NPFFR1: variants seen among roughly 807,000 people sequenced by gnomAD.
NPFFR1 encodes the protein neuropeptide FF receptor 1, also known as G-protein coupled receptor 147.
NPFFR1 carries 17 observed loss-of-function variants against 12.7 expected under a neutral mutation model. That is an observed-to-expected ratio of 1.34 (90% confidence interval 0.92 to 2.01). The LOEUF is 2.01. Ranked by LOEUF, NPFFR1 falls within the 30% of genes most tolerant of loss-of-function variation. NPFFR1 has a pLI of 0.00. For synonymous variants in NPFFR1, 296 were observed against 264.5 expected, an observed-to-expected ratio of 1.12 and a Z score of -1.16; for missense variants, 604 against 606.5, an observed-to-expected ratio of 1.00 and a Z score of 0.04.
rs376887400 is a variant in NPFFR1 at position 70,254,904 on chromosome 10, A to G, written c.*53T>C. ...CACCAGGCCGCTATCGCCTGCATGT[A>G]TCTCGTGTCCAATCGGGGCCCTGAG... On this transcript the variant is annotated 3_prime_UTR_variant, in exon 4 of 4. Transcript: ENST00000277942. 7.5e-4 allele frequency: 1,040 copies of G among 1,377,932 alleles called. 22 individuals carry two copies. In the South Asian group the frequency reaches 0.016, roughly 21 times the overall value. 85.4% of individuals were successfully genotyped at this position (1,377,932 alleles called of 1,614,324 possible). A position where few individuals can be genotyped will look rare whatever the true frequency, so the allele number is the denominator to read the frequency against.
chr10:70,270,311 A>G (rs1474044293), intron 1 of NPFFR1, among the ~76,000 whole-genome samples: 3 of 152,178 alleles, frequency 2.0e-5, no homozygotes, highest in Non-Finnish European at 2.9e-5. Flanking sequence ...AGGCCCCTCC[A>G]GAAAGAACCC....
At chr10:70,274,174 G>GAAA (rs1840777403) in intron 1 of NPFFR1, among the ~76,000 whole-genome samples, 1 of 152,284 alleles carries the variant, frequency 6.6e-6, no homozygotes, top group Non-Finnish European at 1.5e-5. Flanking sequence ...TGGGGGCTGG[G>GAAA]CACAGTGGCT....
chr10:70,271,292 C>G (rs538561191), intron 1 of NPFFR1, among the ~76,000 whole-genome samples: 19 of 152,244 alleles, frequency 1.2e-4, no homozygotes, highest in African/African-American at 4.6e-4. Flanking sequence ...GTGGGAGGAT[C>G]ACTTGAGCTC....
intron 2 of NPFFR1, among the ~76,000 whole-genome samples, chr10:70,261,670 C>T (rs983037191): frequency 1.3e-5 from 2 of 152,220 alleles, no homozygotes; most frequent in Non-Finnish European, 2.9e-5. Context: ...ACACTGGCTG[C>T]TCACGAGAAT....
At chr10:70,277,884 C>A (rs1037394331) in intron 1 of NPFFR1, 1 of 508,260 alleles carries the variant, frequency 2.0e-6, no homozygotes, top group Non-Finnish European at 3.9e-6. Flanking sequence ...CTAACCATAG[C>A]AACTCTGCAG....
intron 2 of NPFFR1, among the ~76,000 whole-genome samples, chr10:70,264,305 C>T (rs1387183824): frequency 7.3e-5 from 9 of 123,696 alleles, no homozygotes; most frequent in Admixed American, 3.3e-4. Context: ...ACCTGGGAGG[C>T]GGAGGTTGCA....
chr10:70,281,483 A>G (rs952528492), intron 1 of NPFFR1, among the ~76,000 whole-genome samples: 2 of 152,056 alleles, frequency 1.3e-5, no homozygotes, highest in Admixed American at 6.5e-5. Flanking sequence ...TCATCTCCCA[A>G]ATAGACTCCC....
Position 70,248,467 on chromosome 10 carries a change from GTT to G in NPFFR1, c.*6488_*6489del, listed in dbSNP as rs71472949. 1 of 96,742 alleles carries G rather than the reference GTT, an allele frequency of 1.0e-5. No individual in the cohort carries two copies. Among genetic ancestry groups the G allele is most frequent in the Non-Finnish European group, 2.0e-5 (1 of 50,598 alleles). 6.0% of individuals were successfully genotyped at this position (96,742 alleles called of 1,614,324 possible). A position where few individuals can be genotyped will look rare whatever the true frequency, so the allele number is the denominator to read the frequency against. On this transcript the variant is annotated 3_prime_UTR_variant, in exon 4 of 4. Transcript: ENST00000277942. ...CAAAGTACGTAGTACTATGCCTGGCGTTTTTTTTTTGTTTTTTGTTTTTTTTT... is the reference window on the plus strand; with the variant it reads ...CAAAGTACGTAGTACTATGCCTGGCGTTTTTTTTGTTTTTTGTTTTTTTTT...
chr10:70,269,432 C>T (rs1840727508), intron 1 of NPFFR1, among the ~76,000 whole-genome samples: 1 of 152,136 alleles, frequency 6.6e-6, no homozygotes, highest in Non-Finnish European at 1.5e-5. Flanking sequence ...GCTGAGATTA[C>T]AGGCATGAGC....
intron 2 of NPFFR1, 47 bp downstream of exon 2, chr10:70,266,030 G>A (rs374730066): frequency 6.6e-7 from 1 of 1,524,846 alleles, no homozygotes; most frequent in Non-Finnish European, 9.0e-7. Context: ...CTGAGAAGTT[G>A]AAGTGGGGGG....
At chr10:70,258,487 G>T (rs6480448) in intron 3 of NPFFR1, among the ~76,000 whole-genome samples, 9,964 of 152,260 alleles carry the variant, frequency 0.065, 324 homozygotes, top group Middle Eastern at 0.11. Context: ...TTAGATAAAT[G>T]CATGAATGAC....
In NPFFR1 at chr10:70,255,480, G is replaced by T. The variant is rs756249858; in HGVS notation, c.770C>A (p.Ala257Glu). ...TCTGCGCCGCGATGCTCGCGGGTCC[G>T]CAGCCTCCTCGCCCCCGGGGGCCGG... ...PGPAPGGEEA[A>E]DPRASRRRAR... Residue 257 changes from alanine to glutamate, a missense_variant, in exon 4 of 4, where the codon GCG becomes GAG. By Grantham distance (107) the Ala-to-Glu change is moderately radical. Transcript: ENST00000277942. This position sits in a 1 kb window ranked among gnomAD's most constrained non-coding sequence, Gnocchi z 4.2. 6.5e-7 allele frequency: 1 copy of T among 1,547,826 alleles called. No individual in the cohort carries two copies. The highest frequency in any genetic ancestry group is 2.5e-5 in the East Asian group (1 of 40,792).
At chr10:70,259,290 C>CA (rs111951575) in intron 3 of NPFFR1, among the ~76,000 whole-genome samples, 13,210 of 130,718 alleles carry the variant, frequency 0.1, 708 homozygotes, top group African/African-American at 0.17. Flanking sequence ...TCTCCCCCCT[C>CA]AAAAAAAAAA....
Position 70,255,723 on chromosome 10 carries a change from G to A in NPFFR1, c.527C>T (p.Ser176Leu), listed in dbSNP as rs1411930961. Residue 176 changes from serine (S) to leucine (L), a missense_variant, in exon 4 of 4, where the codon TCG becomes TTG. Ser to Leu is a moderately radical substitution (Grantham distance 145). Coordinates refer to ENST00000277942, the MANE Select transcript of NPFFR1 (RefSeq NM_022146.5). The surrounding 1 kb of genome is among the most constrained non-coding windows in gnomAD (Gnocchi z 4.2). ...ACGGGTGACGGTCAGCGTGACGGCC[G>A]AGGGACACATGATGAGCAGCGCCAG... ...WALALLIMCP[S>L]AVTLTVTREE... The A allele has an allele frequency of 4.2e-5, 67 of 1,610,090 alleles. No homozygotes were observed. The Admixed American group carries it at 1.1e-3, about 25-fold the overall frequency.
chr10:70,281,040 C>T (rs372360984), intron 1 of NPFFR1, among the ~76,000 whole-genome samples: 7 of 152,196 alleles, frequency 4.6e-5, no homozygotes, highest in East Asian at 3.9e-4. Flanking sequence ...TTCTGAGCAC[C>T]GCAAAAGAGA....
chr10:70,263,113 G>A (rs1229985418), intron 2 of NPFFR1, among the ~76,000 whole-genome samples: 1 of 152,112 alleles, frequency 6.6e-6, no homozygotes, highest in South Asian at 2.1e-4. Context: ...GTCACAGTGA[G>A]CTATGATCTC....
rs1840520952 is a variant in NPFFR1, at chr10:70,252,477, T to C, written c.*2480A>G. Reference sequence around the variant, plus strand: ...GGTAATGGTTACACAACAATGTGAATATATTTAATTCCAGTCCTGTACACT... The same window carrying C: ...GGTAATGGTTACACAACAATGTGAACATATTTAATTCCAGTCCTGTACACT... On this transcript the variant is annotated 3_prime_UTR_variant, in exon 4 of 4. Coordinates refer to ENST00000277942, the MANE Select transcript of NPFFR1 (RefSeq NM_022146.5). 6.6e-6 allele frequency: 1 copy of C among 152,350 alleles called. No homozygotes were observed. The highest frequency in any genetic ancestry group is 6.5e-5 in the Admixed American group (1 of 15,302). 9.4% of individuals were successfully genotyped at this position (152,350 alleles called of 1,614,324 possible).
In NPFFR1 at chr10:70,254,120, A is replaced by T. The variant is rs1299148323; in HGVS notation, c.*837T>A. 1 of 152,192 alleles carries T rather than the reference A, an allele frequency of 6.6e-6. No individual in the cohort carries two copies. Among genetic ancestry groups the T allele is most frequent in the Non-Finnish European group, 1.5e-5 (1 of 68,056 alleles). The allele number at this position is 152,192 out of a possible 1,614,324, so 9.4% of individuals were successfully genotyped here. On this transcript the variant is annotated 3_prime_UTR_variant, in exon 4 of 4. Coordinates refer to ENST00000277942, the MANE Select transcript of NPFFR1 (RefSeq NM_022146.5). ...TGCTTCCCCTTCCTCGTTGTCTATGAGTACGTAAAAGGACACCTCCTGTGG... is the reference window on the plus strand; with the variant it reads ...TGCTTCCCCTTCCTCGTTGTCTATGTGTACGTAAAAGGACACCTCCTGTGG...
rs1840509751 is a variant in NPFFR1 at position 70,251,406 on chromosome 10, C to G, written c.*3551G>C. ...AGAGACTCCTCAGCACAGGGCTGGG[C>G]AGACTGTGGTTTGTGGGGTGCAGGC... On this transcript the variant is annotated 3_prime_UTR_variant, in exon 4 of 4. Coordinates refer to ENST00000277942, the MANE Select transcript of NPFFR1 (RefSeq NM_022146.5). 1 of 152,690 alleles carries G rather than the reference C, an allele frequency of 6.5e-6. No homozygotes were observed. Among genetic ancestry groups the G allele is most frequent in the African/African-American group, 2.4e-5 (1 of 41,472 alleles). 9.5% of individuals were successfully genotyped at this position (152,690 alleles called of 1,614,324 possible). A position where few individuals can be genotyped will look rare whatever the true frequency, so the allele number is the denominator to read the frequency against.
Sources: allele counts gnomAD v4.1 joint callset (sites outside exome capture counted in the v4.1 genomes callset), GRCh38; gene constraint gnomAD v4.1.1; non-coding constraint Gnocchi (gnomAD v3.1); transcripts MANE v1.5; gene names NCBI Gene and HGNC (gene_info 2026-07-23, HGNC 2026-07-21).